The following COMMD10 variants were observed in gnomAD, a reference collection of about 807,000 sequenced individuals.
COMMD10 encodes COMM domain containing 10.
A neutral mutation model predicts 28.9 loss-of-function variants in COMMD10; 33 were observed. The observed-to-expected ratio is 1.14, with a 90% CI of 0.87 to 1.53. The LOEUF is 1.53. Ranked by LOEUF, COMMD10 falls within the 40% of genes most tolerant of loss-of-function variation. COMMD10 has a pLI of 0.00. For synonymous variants in COMMD10, 110 were observed against 81.7 expected (o/e 1.35, Z -1.87); for missense variants, 310 against 233.4 (o/e 1.33, Z -2.14).
intron 5 of COMMD10, among the ~76,000 whole-genome samples, chr5:116,218,944 T>C (rs1749173726): frequency 6.6e-6 from 1 of 152,168 alleles, no homozygotes; most frequent in Non-Finnish European, 1.5e-5. Context: ...TGTGTCTGTA[T>C]TTGGAGATAG....
intron 5 of COMMD10, among the ~76,000 whole-genome samples, chr5:116,151,953 T>G (rs1342479131): frequency 6.6e-6 from 1 of 152,196 alleles, no homozygotes; most frequent in Admixed American, 6.5e-5. Flanking sequence ...GATGTTAGGG[T>G]GTCAGTTTTT....
At chr5:116,210,086 T>C (rs1748919658) in intron 5 of COMMD10, among the ~76,000 whole-genome samples, 1 of 152,072 alleles carries the variant, frequency 6.6e-6, no homozygotes, top group African/African-American at 2.4e-5. Flanking sequence ...GGGGCCAAAC[T>C]TATTCTTTTT....
chr5:116,133,520 G>A (rs900368727), intron 4 of COMMD10, among the ~76,000 whole-genome samples: 4 of 152,094 alleles, frequency 2.6e-5, no homozygotes, highest in African/African-American at 9.7e-5. Flanking sequence ...TTCTCTGCCT[G>A]TTTCAATCTC....
chr5:116,150,628 G>A (rs1752493665), intron 5 of COMMD10, among the ~76,000 whole-genome samples: 1 of 141,798 alleles, frequency 7.1e-6, no homozygotes, highest in Non-Finnish European at 1.5e-5. Context: ...AATTGTGAAT[G>A]GGAGTTCACT....
intron 5 of COMMD10, among the ~76,000 whole-genome samples, chr5:116,202,030 C>G (rs1320607338): frequency 5.5e-5 from 8 of 145,808 alleles, no homozygotes; most frequent in African/African-American, 2.0e-4. Context: ...AATGCTATCT[C>G]TCCCCCTCCC....
chr5:116,173,808 C>G (rs1035871691), intron 5 of COMMD10, among the ~76,000 whole-genome samples: 1 of 148,640 alleles, frequency 6.7e-6, no homozygotes, highest in African/African-American at 2.5e-5. Context: ...CATTTTTTTT[C>G]CAACTGTTTT....
chr5:116,189,296 G>A (rs987379482), intron 5 of COMMD10, among the ~76,000 whole-genome samples: 5 of 152,160 alleles, frequency 3.3e-5, no homozygotes, highest in African/African-American at 1.2e-4. Flanking sequence ...CCAACTCCCA[G>A]GCTCAAGCAG....
At chr5:116,217,156 A>T (rs1381702071) in intron 5 of COMMD10, among the ~76,000 whole-genome samples, 1 of 151,996 alleles carries the variant, frequency 6.6e-6, no homozygotes, top group African/African-American at 2.4e-5. Flanking sequence ...AGAAGAAAAA[A>T]AAAAGTCCCC....
chr5:116,221,748 T>C (rs146040460), intron 5 of COMMD10, among the ~76,000 whole-genome samples: 8 of 152,326 alleles, frequency 5.3e-5, no homozygotes, highest in African/African-American at 1.9e-4. Flanking sequence ...TTCAACATTA[T>C]GCTTTAGTTG....
intron 4 of COMMD10, among the ~76,000 whole-genome samples, chr5:116,121,975 T>A (rs930799093): frequency 5.3e-5 from 8 of 152,236 alleles, no homozygotes; most frequent in Non-Finnish European, 1.2e-4. Flanking sequence ...ATGCAGAAGC[T>A]CTTTAGTTTA....
intron 5 of COMMD10, among the ~76,000 whole-genome samples, chr5:116,163,435 A>G (rs1752985913): frequency 6.7e-6 from 1 of 150,006 alleles, no homozygotes; most frequent in Non-Finnish European, 1.5e-5. Flanking sequence ...AAAAAAAAAA[A>G]AAAAAAAAGC....
At chr5:116,108,007 A>G (rs1481375873) in intron 4 of COMMD10, among the ~76,000 whole-genome samples, 1 of 152,222 alleles carries the variant, frequency 6.6e-6, no homozygotes, top group Admixed American at 6.5e-5. Flanking sequence ...TGCAGGCTGC[A>G]GAACAGCAAA....
At chr5:116,125,674 C>T (rs1161490299) in intron 4 of COMMD10, among the ~76,000 whole-genome samples, 6 of 152,126 alleles carry the variant, frequency 3.9e-5, no homozygotes, top group Non-Finnish European at 7.4e-5. Context: ...CTCCCTGTCA[C>T]TTTCAGGTGC....
At chr5:116,276,407 T>C (rs950572661) in intron 5 of COMMD10, among the ~76,000 whole-genome samples, 2 of 151,554 alleles carry the variant, frequency 1.3e-5, no homozygotes, top group African/African-American at 4.9e-5. Context: ...TGGCTAATTT[T>C]TGTATTTTTA....
Position 116,139,678 on chromosome 5 carries a change from A to G in COMMD10, c.510+5500A>G, listed in dbSNP as rs115083055. Among the ~76,000 whole-genome samples the G allele has an allele frequency of 5.0e-3, 757 of 151,752 alleles. 5 individuals carry two copies. The highest frequency in any genetic ancestry group is 0.015 in the African/African-American group (611 of 41,482). ...CATACTTTCTCACCCTTAATTACAC[A>G]TACAAATGAGATAATTCAACTGATA... On this transcript the variant is annotated intron_variant, in intron 5 of 6. Transcript: ENST00000274458.
At chr5:116,265,584 C>T (rs1218880237) in intron 5 of COMMD10, among the ~76,000 whole-genome samples, 1 of 151,520 alleles carries the variant, frequency 6.6e-6, no homozygotes, top group Non-Finnish European at 1.5e-5. Context: ...AAAAAAAATT[C>T]AAGTTAACAA....
At chr5:116,114,960 G>A (rs1876672) in intron 4 of COMMD10, among the ~76,000 whole-genome samples, 46,360 of 151,860 alleles carry the variant, frequency 0.31, 9,599 homozygotes, top group African/African-American at 0.6. Flanking sequence ...TTTATGTCAC[G>A]CTTGCTTTTC....
At chr5:116,152,510 G>T (rs1332590851) in intron 5 of COMMD10, among the ~76,000 whole-genome samples, 2 of 152,068 alleles carry the variant, frequency 1.3e-5, no homozygotes, top group Admixed American at 1.3e-4. Context: ...GTAGCTTTCA[G>T]CTATAGGACT....
At chr5:116,165,715 G>C (rs944563018) in intron 5 of COMMD10, among the ~76,000 whole-genome samples, 5 of 151,664 alleles carry the variant, frequency 3.3e-5, no homozygotes, top group Non-Finnish European at 7.4e-5. Flanking sequence ...TTCTTACCTT[G>C]TTATTTTCTA....
Sources: allele counts gnomAD v4.1 joint callset (sites outside exome capture counted in the v4.1 genomes callset), GRCh38; gene constraint gnomAD v4.1.1; transcripts MANE v1.5; gene names NCBI Gene and HGNC (gene_info 2026-07-23, HGNC 2026-07-21).